RDX: variants seen among roughly 807,000 people sequenced by gnomAD.
RDX encodes radixin.
RDX carries 32 observed loss-of-function variants against 83.7 expected under a neutral mutation model. That is an observed-to-expected ratio of 0.38 (90% CI 0.29 to 0.51). RDX has a LOEUF of 0.51. RDX is among the 20% of genes least tolerant of loss of function. The probability of loss-of-function intolerance (pLI) is 0.87; values close to 1 mark genes in which losing one functional copy is unlikely to be tolerated. For missense variants in RDX, 600 were observed against 689.9 expected (o/e 0.87, Z 1.46); for synonymous variants, 229 against 222.7 (o/e 1.03, Z -0.25).
At chr11:110,206,538 G>A (rs558755750) in intron 14 of RDX, among the ~76,000 whole-genome samples, 2 of 152,232 alleles carry the variant, frequency 1.3e-5, no homozygotes, top group South Asian at 2.1e-4. Flanking sequence ...AACGGATGAC[G>A]TGATGGAGAG....
At chr11:110,256,057 A>C (rs1859534263) in intron 7 of RDX, among the ~76,000 whole-genome samples, 1 of 152,158 alleles carries the variant, frequency 6.6e-6, no homozygotes, top group Non-Finnish European at 1.5e-5. Flanking sequence ...AGATATAGGG[A>C]ATCATATTGG....
chr11:110,276,881 G>A (rs1307592226), intron 2 of RDX, among the ~76,000 whole-genome samples: 2 of 152,184 alleles, frequency 1.3e-5, no homozygotes, highest in East Asian at 3.8e-4. Context: ...ATCACTTGTA[G>A]TGAATTAATT....
intron 9 of RDX, among the ~76,000 whole-genome samples, chr11:110,248,289 TAAG>T (rs913999696): frequency 2.6e-5 from 4 of 152,152 alleles, no homozygotes; most frequent in African/African-American, 9.7e-5. Context: ...CTGAATCAAC[TAAG>T]AAGAAATGAC....
At chr11:110,293,694 C>T (rs188944160) in intron 1 of RDX, among the ~76,000 whole-genome samples, 18 of 152,320 alleles carry the variant, frequency 1.2e-4, no homozygotes, top group African/African-American at 4.3e-4. Context: ...TAAGTACCAC[C>T]TGCCAGCTCG....
At chr11:110,272,954 T>C (rs1172817936) in intron 2 of RDX, 2 of 460,004 alleles carry the variant, frequency 4.3e-6, no homozygotes, top group East Asian at 6.8e-5. Flanking sequence ...GAGCTGGACA[T>C]GGTGCCTCAC....
intron 2 of RDX, 114 bp from the exon 3 acceptor site, chr11:110,272,733 T>G (rs974250520): frequency 2.6e-6 from 2 of 755,832 alleles, no homozygotes; most frequent in African/African-American, 3.5e-5. Flanking sequence ...CAAGAAATCT[T>G]AAATCTATTT....
chr11:110,239,717 G>A, intron 10 of RDX, among the ~76,000 whole-genome samples: 1 of 140,886 alleles, frequency 7.1e-6, no homozygotes, highest in Admixed American at 6.9e-5. Context: ...AGGACTTTGG[G>A]ATTTACAAAA....
At chr11:110,209,509 C>A (rs919073632) in intron 14 of RDX, among the ~76,000 whole-genome samples, 1 of 152,236 alleles carries the variant, frequency 6.6e-6, no homozygotes, top group Non-Finnish European at 1.5e-5. Context: ...GGACTGCCTG[C>A]CTCTGTAGGC....
At chr11:110,221,698 A>T (rs563697286) in intron 14 of RDX, among the ~76,000 whole-genome samples, 1 of 152,138 alleles carries the variant, frequency 6.6e-6, no homozygotes, top group East Asian at 1.9e-4. Flanking sequence ...AAGCTCTAAA[A>T]TCAAAGAACA....
chr11:110,201,727 A>G (rs1863412346), intron 14 of RDX, among the ~76,000 whole-genome samples: 1 of 152,094 alleles, frequency 6.6e-6, no homozygotes, highest in South Asian at 2.1e-4. Context: ...ATAATAAGGG[A>G]CGCAAACCTA....
chr11:110,270,503 G>A (rs894858303), intron 3 of RDX, among the ~76,000 whole-genome samples: 3 of 152,230 alleles, frequency 2.0e-5, no homozygotes, highest in Non-Finnish European at 2.9e-5. Flanking sequence ...TACATAAATA[G>A]AAAGAGATAT....
At chr11:110,228,806 C>T (rs1296507966), downstream of RDX, among the ~76,000 whole-genome samples, 2 of 151,772 alleles carry the variant, frequency 1.3e-5, no homozygotes, top group African/African-American at 2.4e-5. Flanking sequence ...TCTTAAAACT[C>T]TAATTAGACA....
intron 7 of RDX, 25 bp downstream of exon 7, chr11:110,257,742 T>G (rs1565318796): frequency 6.2e-7 from 1 of 1,610,358 alleles, no homozygotes; most frequent in Non-Finnish European, 8.5e-7. Context: ...CAATGACTAG[T>G]TCACTATGCA....
chr11:110,181,645 G>T (rs1862888545), intron 15 of RDX: 2 of 152,628 alleles, frequency 1.3e-5, no homozygotes, highest in Admixed American at 6.5e-5. Context: ...TTTACAATGT[G>T]TGGCTTTGAA....
chr11:110,237,798 C>T, intron 10 of RDX, 146 bp from the exon 11 acceptor site: 1 of 933,014 alleles, frequency 1.1e-6, no homozygotes, highest in Non-Finnish European at 1.7e-6. Context: ...TCTTTGTTTT[C>T]TTGAGACAGG....
chr11:110,263,772 G>A (rs184896098), intron 5 of RDX, among the ~76,000 whole-genome samples, 188 bp downstream of exon 5: 58 of 151,810 alleles, frequency 3.8e-4, no homozygotes, highest in Admixed American at 1.1e-3. Context: ...GGAGGCTGAG[G>A]TGGAAGGATG....
At chr11:110,281,911 G>A (rs1452080963) in intron 1 of RDX, among the ~76,000 whole-genome samples, 1 of 141,120 alleles carries the variant, frequency 7.1e-6, no homozygotes, top group Non-Finnish European at 1.5e-5. Context: ...GACCAGCCTA[G>A]GCAACATGGC....
At chr11:110,267,468 G>A (rs531761908) in intron 3 of RDX, among the ~76,000 whole-genome samples, 27 of 150,768 alleles carry the variant, frequency 1.8e-4, no homozygotes, top group African/African-American at 5.1e-4. Context: ...AGCCGAGTTC[G>A]CGCCACTGCA....
At chr11:110,209,627 G>A (rs986160564) in intron 14 of RDX, among the ~76,000 whole-genome samples, 2 of 148,344 alleles carry the variant, frequency 1.3e-5, no homozygotes, top group Non-Finnish European at 3.0e-5. Context: ...CTCCCAGCAC[G>A]CAGCTGGAGA....
Sources: gnomAD v4.1 joint callset for allele counts (sites outside exome capture counted in the v4.1 genomes callset) on GRCh38, gnomAD v4.1.1 for gene constraint, MANE v1.5 for transcripts, NCBI Gene and HGNC (gene_info 2026-07-23, HGNC 2026-07-21) for gene names.